The following TMEM25 variants were observed in gnomAD, a reference collection of about 807,000 sequenced individuals.
TMEM25 encodes transmembrane protein 25, also known as 0610039J01Rik.
A neutral mutation model predicts 37.0 loss-of-function variants in TMEM25; 36 were observed. The ratio of observed to expected loss-of-function variants is 0.97; its 90% CI spans 0.75 to 1.28. The LOEUF (loss-of-function observed/expected upper bound fraction) is 1.28, where lower values mean the gene tolerates loss of function less well. Among genes scored for constraint, TMEM25 ranks in the 50% most tolerant of loss-of-function variants. TMEM25 has a pLI of 0.00. For missense variants in TMEM25, 444 were observed against 477.9 expected (o/e 0.93, Z 0.66); for synonymous variants, 197 against 203.7 (o/e 0.97, Z 0.28).
chr11:118,539,704 CG>C (rs1951553252), downstream of TMEM25, among the ~76,000 whole-genome samples: 1 of 151,932 alleles, frequency 6.6e-6, no homozygotes. Context: ...TTGGCTCTGT[CG>C]ATGGGCTGTG....
At chr11:118,543,892 C>T (rs570669791) in intron 8 of TMEM25, among the ~76,000 whole-genome samples, 2 of 152,062 alleles carry the variant, frequency 1.3e-5, no homozygotes, top group Admixed American at 6.6e-5. Context: ...CTGTAACCTC[C>T]ACCTCACGGA....
Position 118,533,209 on chromosome 11 carries a change from T to A in TMEM25, c.673+2T>A. ...CCAGTGCGTCGCTTCCAGCCCCAGGTGAGCATGGCCAGCAAGCGGCCCTGC... is the reference window on the plus strand; with the variant it reads ...CCAGTGCGTCGCTTCCAGCCCCAGGAGAGCATGGCCAGCAAGCGGCCCTGC... On this transcript the variant is annotated splice_donor_variant, in intron 4 of 8. Coordinates refer to ENST00000313236, the MANE Select transcript of TMEM25 (RefSeq NM_032780.4). LOFTEE classifies it high-confidence loss of function. 6.3e-7 allele frequency: 1 copy of A among 1,587,546 alleles called. No homozygotes were observed. Among genetic ancestry groups the A allele is most frequent in the South Asian group, 1.1e-5 (1 of 88,990 alleles).
rs1218090272 is a variant in TMEM25, at chr11:118,532,462, GTGAGTGGCCC to G, written c.382+6_382+15del. The stretch of plus-strand genomic sequence containing the variant: ...GCCTCTGTCATCCTTAATGTGCAAT[GTGAGTGGCCC>G]TGAGGTGGGCAGGGAGATAGGTTCT... On this transcript the variant is annotated splice_donor_variant and splice_donor_5th_base_variant and intron_variant, in intron 3 of 8. Transcript: ENST00000313236. LOFTEE classifies it high-confidence loss of function. 1 of 1,609,466 alleles carries G rather than the reference GTGAGTGGCCC, an allele frequency of 6.2e-7. No individual in the cohort carries two copies. Among genetic ancestry groups the G allele is most frequent in the Non-Finnish European group, 8.5e-7 (1 of 1,176,958 alleles).
At chr11:118,546,474 A>G (rs1237175678) in exon 9 of TMEM25, 2 of 262,738 alleles carry the variant, frequency 7.6e-6, no homozygotes, top group African/African-American at 2.2e-5. Context: ...CTGGGCATAG[A>G]GTAATACCCT....
downstream of TMEM25, among the ~76,000 whole-genome samples, chr11:118,536,211 G>A (rs1270010492): frequency 7.9e-6 from 1 of 126,834 alleles, no homozygotes; most frequent in East Asian, 2.4e-4. Context: ...TTTTTTTTTT[G>A]AGACAGAGTT....
chr11:118,540,020 CAA>C (rs200560621), downstream of TMEM25, among the ~76,000 whole-genome samples: 1,654 of 80,348 alleles, frequency 0.021, 39 homozygotes, highest in African/African-American at 0.062. Context: ...GACTCCGTCT[CAA>C]AAAAAAAAAA....
At chr11:118,545,377 C>T (rs1054394271) in intron 8 of TMEM25, 6 of 1,468,684 alleles carry the variant, frequency 4.1e-6, no homozygotes, top group Non-Finnish European at 4.8e-6. Context: ...ATCCTCTCTA[C>T]AGCTTAAGTC....
chr11:118,532,211 G>A lies in TMEM25; in HGVS notation c.132G>A (p.Glu44=), dbSNP rs1284351675. 6.2e-7 allele frequency: 1 copy of A among 1,610,358 alleles called. No homozygotes were observed. The highest frequency in any genetic ancestry group is 8.5e-7 in the Non-Finnish European group (1 of 1,177,886). Residue 44 remains glutamate, a synonymous_variant, in exon 3 of 9, where the codon GAG becomes GAA. Coordinates refer to ENST00000313236, the MANE Select transcript of TMEM25 (RefSeq NM_032780.4). ...GQTWAERALR[E]NERHAFTCRV... ...CCTGGGCTGAGCGGGCACTTCGGGA[G>A]AATGAACGCCACGCCTTCACCTGCC...
chr11:118,545,658 C>A, intron 8 of TMEM25: 1 of 1,143,922 alleles, frequency 8.7e-7, no homozygotes. Flanking sequence ...CCTTTGAGTG[C>A]TGCCAAAGAG....
At position 118,534,688 on chromosome 11, in the gene TMEM25, C is replaced by T; in HGVS notation, c.*108C>T. ...CAACGTGAAGAAGTTATGCCACTGC[C>T]ACTTTTGCTTGCCCTCCTGGCTGGG... On this transcript the variant is annotated 3_prime_UTR_variant, in exon 9 of 9. Transcript: ENST00000313236. This position sits in a 1 kb window ranked among gnomAD's most constrained non-coding sequence, Gnocchi z 4.6. The T allele has an allele frequency of 9.2e-6, 14 of 1,524,946 alleles. No individual in the cohort carries two copies. Among genetic ancestry groups the T allele is most frequent in the Non-Finnish European group, 1.2e-5 (14 of 1,134,554 alleles). 94.5% of individuals were successfully genotyped at this position (1,524,946 alleles called of 1,614,324 possible). A position where few individuals can be genotyped will look rare whatever the true frequency, so the allele number is the denominator to read the frequency against.
rs781986501 is a variant in TMEM25 at position 118,534,376 on chromosome 11, C to A, written c.1027+21C>A. 1 of 1,612,712 alleles carries A rather than the reference C, an allele frequency of 6.2e-7. No homozygotes were observed. Among genetic ancestry groups the A allele is most frequent in the Non-Finnish European group, 8.5e-7 (1 of 1,179,484 alleles). On this transcript the variant is annotated intron_variant, in intron 8 of 8. Transcript: ENST00000313236. The surrounding 1 kb of genome is among the most constrained non-coding windows in gnomAD (Gnocchi z 4.6). Reference sequence around the variant, plus strand: ...CCAAGGTACTGGGGAAGGGGCCTGCCACCCTCCTCCTCTGCCCCCCAGCCC... The same window carrying A: ...CCAAGGTACTGGGGAAGGGGCCTGCAACCCTCCTCCTCTGCCCCCCAGCCC...
chr11:118,538,151 C>T (rs782247538), downstream of TMEM25, among the ~76,000 whole-genome samples: 12 of 152,090 alleles, frequency 7.9e-5, no homozygotes, highest in Non-Finnish European at 1.5e-4. Flanking sequence ...TCCTCATCCT[C>T]ATCAATATCT....
chr11:118,538,092 G>A (rs1951534024), downstream of TMEM25, among the ~76,000 whole-genome samples: 1 of 152,130 alleles, frequency 6.6e-6, no homozygotes. Flanking sequence ...CATAGTGGTT[G>A]TACTAGTTTA....
chr11:118,534,470 C>G lies in TMEM25; in HGVS notation c.1028-37C>G. On this transcript the variant is annotated intron_variant, in intron 8 of 8. Coordinates refer to ENST00000313236, the MANE Select transcript of TMEM25 (RefSeq NM_032780.4). This position sits in a 1 kb window ranked among gnomAD's most constrained non-coding sequence, Gnocchi z 4.6. ...AGCTCTCCAAATTCCAAGGAACAAGCGTTACTGAGTCCCCGCGGGCTTCTT... is the reference window on the plus strand; with the variant it reads ...AGCTCTCCAAATTCCAAGGAACAAGGGTTACTGAGTCCCCGCGGGCTTCTT... 6.2e-7 allele frequency: 1 copy of G among 1,613,520 alleles called. No individual in the cohort carries two copies. The highest frequency in any genetic ancestry group is 8.5e-7 in the Non-Finnish European group (1 of 1,179,810).
downstream of TMEM25, among the ~76,000 whole-genome samples, chr11:118,537,127 G>T (rs1209385190): frequency 1.3e-5 from 2 of 152,024 alleles, no homozygotes; most frequent in Non-Finnish European, 2.9e-5. Context: ...GATTGCCTGA[G>T]CTCAGAAGTT....
downstream of TMEM25, among the ~76,000 whole-genome samples, chr11:118,536,171 C>A (rs1281389993): frequency 1.3e-5 from 2 of 151,758 alleles, no homozygotes; most frequent in Non-Finnish European, 2.9e-5. Context: ...AGCCACCACA[C>A]CCAGCCTTCT....
intron 4 of TMEM25, 24 bp downstream of exon 4, chr11:118,533,231 C>A: frequency 6.4e-7 from 1 of 1,574,256 alleles, no homozygotes; most frequent in Non-Finnish European, 8.6e-7. Context: ...GCAAGCGGCC[C>A]TGCAAAGCTT....
chr11:118,545,472 G>C (rs781838600), intron 8 of TMEM25: 1 of 1,613,346 alleles, frequency 6.2e-7, no homozygotes, highest in Non-Finnish European at 8.5e-7. Flanking sequence ...TCCGACTCTT[G>C]TAGACAGGGA....
intron 8 of TMEM25, among the ~76,000 whole-genome samples, chr11:118,541,384 C>G (rs1951576126): frequency 6.7e-6 from 1 of 150,100 alleles, no homozygotes; most frequent in South Asian, 2.1e-4. Context: ...ATGGCTTGAA[C>G]CTGGGAGGCG....
Sources: gnomAD v4.1 joint callset for allele counts (sites outside exome capture counted in the v4.1 genomes callset) on GRCh38, gnomAD v4.1.1 for gene constraint, Gnocchi (gnomAD v3.1) non-coding constraint, MANE v1.5 for transcripts, NCBI Gene and HGNC (gene_info 2026-07-23, HGNC 2026-07-21) for gene names.